The following TBXAS1 variants were observed in gnomAD, a reference collection of about 807,000 sequenced individuals.
TBXAS1 encodes thromboxane-A synthase.
TBXAS1 carries 48 observed loss-of-function variants against 60.7 expected under a neutral mutation model. The observed-to-expected ratio is 0.79, with a 90% CI of 0.63 to 1.01. TBXAS1 has a LOEUF of 1.01. Ranked by LOEUF, TBXAS1 falls within the 50% of genes least tolerant of loss-of-function variation. The pLI is 0.00. For synonymous variants in TBXAS1, 287 were observed against 269.7 expected, an observed-to-expected ratio of 1.06 and a Z score of -0.63; for missense variants, 685 against 686.3, an observed-to-expected ratio of 1.00 and a Z score of 0.02.
At chr7:139,845,823 GTTT>G (rs11330197) in intron 1 of TBXAS1, among the ~76,000 whole-genome samples, 6 of 130,198 alleles carry the variant, frequency 4.6e-5, no homozygotes, top group African/African-American at 8.6e-5. Context: ...TTGAACTCTA[GTTT>G]TTTTTTTTTT....
Position 139,861,419 on chromosome 7 carries a change from A to AT in TBXAS1, c.90-10798dup, listed in dbSNP as rs58163146. 2.9e-3 allele frequency among the ~76,000 whole-genome samples: 380 copies of AT among 130,734 alleles called. 2 individuals carry two copies. The highest frequency in any genetic ancestry group is 7.7e-3 in the African/African-American group (266 of 34,656). The allele number at this position is 130,734 out of a possible 152,430, so 85.8% of individuals were successfully genotyped here. A position where few individuals can be genotyped will look rare whatever the true frequency, so the allele number is the denominator to read the frequency against. ...TGGCTAATTTTTTTTTCTTTTTAGA[A>AT]TTTTTTTTTTTTTTTTTTGGATCTC... On this transcript the variant is annotated intron_variant, in intron 1 of 12. Transcript: ENST00000448866.
At chr7:139,979,436 G>C (rs1231826620) in intron 9 of TBXAS1, among the ~76,000 whole-genome samples, 1 of 151,906 alleles carries the variant, frequency 6.6e-6, no homozygotes, top group Non-Finnish European at 1.5e-5. Context: ...AAAATAAATA[G>C]CAAAAGACTT....
rs12672786 is a variant in TBXAS1 at position 139,815,093 on chromosome 7, G to T, written c.-79-14219G>T. ...ATGATACTGATAAGAAACAGGATTC[G>T]AATCTCAATTTTGCTACCCAAGGAT... On this transcript the variant is annotated intron_variant, in intron 4 of 16. Coordinates refer to the TBXAS1 transcript ENST00000336425. Among the ~76,000 whole-genome samples, 16 of 152,312 alleles carry T rather than the reference G, an allele frequency of 1.1e-4. No individual in the cohort carries two copies. In the East Asian group the frequency reaches 3.1e-3, roughly 29 times the overall value.
intron 6 of TBXAS1, among the ~76,000 whole-genome samples, chr7:139,954,073 A>C (rs1364408895): frequency 6.6e-6 from 1 of 152,076 alleles, no homozygotes; most frequent in African/African-American, 2.4e-5. Flanking sequence ...TGTGGCCAAG[A>C]CAATTCTCCT....
At chr7:139,965,746 T>C (rs574535003) in intron 9 of TBXAS1, among the ~76,000 whole-genome samples, 1 of 152,332 alleles carries the variant, frequency 6.6e-6, no homozygotes, top group Non-Finnish European at 1.5e-5. Flanking sequence ...AAAATGGGAA[T>C]ATCTACAGCT....
rs2116834455 is a variant in TBXAS1 at position 139,875,600 on chromosome 7, C to G, written c.199C>G (p.Gln67Glu). The G allele has an allele frequency of 6.2e-7, 1 of 1,614,086 alleles. No individual in the cohort carries two copies. Among genetic ancestry groups the G allele is most frequent in the East Asian group, 2.2e-5 (1 of 44,886 alleles). Reference protein sequence around the residue: ...TFFRQGFWESQMELRKLYGPL... With the variant: ...TFFRQGFWESEMELRKLYGPL... Reference sequence around the variant, plus strand: ...TTTCCTTCAGGGTTTTTGGGAAAGCCAAATGGAGCTCAGAAAGCTGTATGG... The same window carrying G: ...TTTCCTTCAGGGTTTTTGGGAAAGCGAAATGGAGCTCAGAAAGCTGTATGG... The change falls in exon 3 of 13, where the codon CAA (glutamine) becomes GAA (glutamate). Residue 67 changes from glutamine to glutamate, a missense_variant. Coordinates refer to ENST00000448866, the MANE Select transcript of TBXAS1 (RefSeq NM_001061.7).
At chr7:139,984,373 C>T (rs189088087) in intron 9 of TBXAS1, among the ~76,000 whole-genome samples, 6 of 152,098 alleles carry the variant, frequency 3.9e-5, no homozygotes, top group Admixed American at 3.9e-4. Flanking sequence ...TTCCATGTGT[C>T]CCTTCCACAT....
intron 10 of TBXAS1, among the ~76,000 whole-genome samples, chr7:140,012,834 G>A (rs976657425): frequency 1.3e-5 from 2 of 152,170 alleles, no homozygotes; most frequent in African/African-American, 4.8e-5. Context: ...GAAGAGAGCG[G>A]TTCTTCACCT....
chr7:139,817,920 T>C (rs887812973), intron 4 of TBXAS1, among the ~76,000 whole-genome samples: 1 of 152,200 alleles, frequency 6.6e-6, no homozygotes, highest in Non-Finnish European at 1.5e-5. Context: ...CTTCATAACC[T>C]GAAGAGCACC....
Position 139,851,330 on chromosome 7 carries a change from A to G in TBXAS1, c.90-20905A>G, listed in dbSNP as rs554460383. Reference sequence around the variant, plus strand: ...AAGTCTCAGTTTCCCCATCTGTATAATGCACACAACAGGGATGTTGGTAGA... The same window carrying G: ...AAGTCTCAGTTTCCCCATCTGTATAGTGCACACAACAGGGATGTTGGTAGA... On this transcript the variant is annotated intron_variant, in intron 1 of 12. Transcript: ENST00000448866. 3.4e-3 allele frequency among the ~76,000 whole-genome samples: 511 copies of G among 152,328 alleles called. 3 individuals are homozygous for G. The highest frequency in any genetic ancestry group is 5.0e-3 in the Non-Finnish European group (339 of 68,038).
At chr7:139,905,066 T>C (rs1385406182) in intron 3 of TBXAS1, among the ~76,000 whole-genome samples, 17 of 133,044 alleles carry the variant, frequency 1.3e-4, no homozygotes, top group African/African-American at 5.5e-4. Context: ...TTTCTCTCTC[T>C]CTCTCTCTCT....
chr7:139,791,534 A>T (rs908453264), intron 4 of TBXAS1, among the ~76,000 whole-genome samples: 7 of 152,254 alleles, frequency 4.6e-5, no homozygotes, highest in African/African-American at 1.7e-4. Flanking sequence ...GCTACTAAAA[A>T]TAATGTCTGA....
chr7:139,782,402 A>G (rs542741805), intron 2 of TBXAS1: 31 of 152,014 alleles, frequency 2.0e-4, no homozygotes, highest in Non-Finnish European at 3.8e-4. Flanking sequence ...TAGAGTGAAC[A>G]TGGGGGAGCT....
At chr7:139,945,884 G>C (rs915542052) in intron 5 of TBXAS1, among the ~76,000 whole-genome samples, 1 of 152,198 alleles carries the variant, frequency 6.6e-6, no homozygotes, top group Admixed American at 6.5e-5. Context: ...CTGAAGGCTT[G>C]ACTGGGGGAA....
chr7:139,828,671 A>G (rs1308769615), upstream of TBXAS1, among the ~76,000 whole-genome samples: 1 of 152,054 alleles, frequency 6.6e-6, no homozygotes, highest in Non-Finnish European at 1.5e-5. Context: ...GCTCAAAGCT[A>G]GAACAAAGGA....
At chr7:139,779,550 G>C (rs1796909025) in intron 1 of TBXAS1, among the ~76,000 whole-genome samples, 1 of 152,200 alleles carries the variant, frequency 6.6e-6, no homozygotes, top group South Asian at 2.1e-4. Context: ...CAGTATTGAA[G>C]CTTAGGAATA....
At chr7:139,920,849 C>A (rs1406757015) in intron 4 of TBXAS1, among the ~76,000 whole-genome samples, 3 of 152,200 alleles carry the variant, frequency 2.0e-5, no homozygotes, top group African/African-American at 7.2e-5. Flanking sequence ...GTAGGACAGA[C>A]CTCCTCTGTT....
chr7:139,983,703 C>T (rs967844538), intron 9 of TBXAS1, among the ~76,000 whole-genome samples: 1 of 152,158 alleles, frequency 6.6e-6, no homozygotes, highest in African/African-American at 2.4e-5. Flanking sequence ...TCCTCTGGAT[C>T]CTCTCCAGGA....
chr7:139,949,583 A>C (rs1186421964), intron 5 of TBXAS1, among the ~76,000 whole-genome samples: 1 of 152,196 alleles, frequency 6.6e-6, no homozygotes, highest in African/African-American at 2.4e-5. Context: ...ACCCATTGGC[A>C]CACCCTTTTG....
Sources: gnomAD v4.1 joint callset for allele counts (sites outside exome capture counted in the v4.1 genomes callset) on GRCh38, gnomAD v4.1.1 for gene constraint, MANE v1.5 for transcripts, NCBI Gene and HGNC (gene_info 2026-07-23, HGNC 2026-07-21) for gene names.